The following ATP8A2 variants were observed in gnomAD, a reference collection of about 807,000 sequenced individuals.
ATP8A2 encodes the protein ATPase phospholipid transporting 8A2, also known as phospholipid-transporting ATPase IB.
Under a neutral mutation model 165.6 loss-of-function variants are expected in ATP8A2, and 100 were observed. The observed-to-expected ratio is 0.60, with a 90% confidence interval of 0.51 to 0.71. ATP8A2 has a LOEUF of 0.71. ATP8A2 is among the 30% of genes least tolerant of loss of function. The pLI, the probability that ATP8A2 is intolerant of heterozygous loss-of-function variation, is 0.00. For synonymous variants in ATP8A2, 543 were observed against 548.8 expected (o/e 0.99, Z 0.15); for missense variants, 1,227 against 1,479.5 (o/e 0.83, Z 2.80).
intron 16 of ATP8A2, 21 bp downstream of exon 16, chr13:25,564,052 C>A (rs770225363): frequency 6.4e-7 from 1 of 1,567,674 alleles, no homozygotes; most frequent in Non-Finnish European, 8.8e-7. Context: ...TGTTTTACTT[C>A]GAAGACAGCA....
chr13:25,964,735 C>G (rs1332745484), intron 34 of ATP8A2, among the ~76,000 whole-genome samples: 2 of 152,168 alleles, frequency 1.3e-5, no homozygotes, highest in Non-Finnish European at 2.9e-5. Context: ...AAGACCCTAC[C>G]CTGTGATGGC....
At chr13:25,609,224 A>G (rs916619763) in intron 24 of ATP8A2, among the ~76,000 whole-genome samples, 1 of 152,052 alleles carries the variant, frequency 6.6e-6, no homozygotes, top group African/African-American at 2.4e-5. Flanking sequence ...AAGCAAAAAG[A>G]TAAAAATAAA....
chr13:25,547,443 G>T (rs1224957636), intron 10 of ATP8A2, among the ~76,000 whole-genome samples: 1 of 152,070 alleles, frequency 6.6e-6, no homozygotes, highest in African/African-American at 2.4e-5. Flanking sequence ...GCATACAAGG[G>T]ATCTAGGTTG....
chr13:25,959,497 A>G (rs558907766), intron 33 of ATP8A2, among the ~76,000 whole-genome samples: 1 of 152,204 alleles, frequency 6.6e-6, no homozygotes, highest in Admixed American at 6.5e-5. Context: ...GATGGTATCT[A>G]CTGATATGTA....
chr13:25,909,123 A>C (rs751776932), intron 33 of ATP8A2, among the ~76,000 whole-genome samples: 11 of 152,178 alleles, frequency 7.2e-5, no homozygotes, highest in Non-Finnish European at 8.8e-5. Flanking sequence ...GAGAATGGTC[A>C]ATGGGTACAG....
chr13:25,723,821 T>C (rs747731382), intron 25 of ATP8A2, among the ~76,000 whole-genome samples: 6 of 151,182 alleles, frequency 4.0e-5, no homozygotes, highest in Admixed American at 2.0e-4. Context: ...GAGCTGACTT[T>C]AGGAAAGGGA....
chr13:25,512,678 CG>C (rs2037281648), intron 2 of ATP8A2, among the ~76,000 whole-genome samples: 1 of 139,016 alleles, frequency 7.2e-6, no homozygotes, highest in Admixed American at 7.0e-5. Flanking sequence ...GCTGGCCGGG[CG>C]GGGGGCTGAC....
intron 27 of ATP8A2, among the ~76,000 whole-genome samples, chr13:25,779,378 G>A (rs2044817870): frequency 7.8e-6 from 1 of 128,780 alleles, no homozygotes; most frequent in Non-Finnish European, 1.6e-5. Flanking sequence ...TTGCAGGGCA[G>A]CCAGCTGGGA....
intron 1 of ATP8A2, among the ~76,000 whole-genome samples, chr13:25,413,278 G>GTTTT (rs1195456593): frequency 3.6e-4 from 38 of 105,260 alleles, no homozygotes; most frequent in Non-Finnish European, 5.2e-4. Flanking sequence ...CTTTTTCTTT[G>GTTTT]TTTTTTTTTT....
At chr13:25,761,783 A>C (rs2044384240) in intron 25 of ATP8A2, among the ~76,000 whole-genome samples, 1 of 151,756 alleles carries the variant, frequency 6.6e-6, no homozygotes, top group Admixed American at 6.6e-5. Context: ...ATGTTTGGTA[A>C]GCTGGTATTT....
chr13:25,973,024 C>T (rs1311487119), intron 35 of ATP8A2, among the ~76,000 whole-genome samples: 2 of 152,172 alleles, frequency 1.3e-5, no homozygotes, highest in Non-Finnish European at 2.9e-5. Flanking sequence ...TTCTAGATCA[C>T]CTTTCACTCT....
At chr13:25,991,240 G>T (rs1385344999) in intron 35 of ATP8A2, among the ~76,000 whole-genome samples, 3 of 152,182 alleles carry the variant, frequency 2.0e-5, no homozygotes, top group Non-Finnish European at 4.4e-5. Context: ...TAGAAGGGAA[G>T]AGACAGACTG....
At chr13:25,549,761 A>C (rs181956764) in intron 10 of ATP8A2, among the ~76,000 whole-genome samples, 120 of 152,216 alleles carry the variant, frequency 7.9e-4, no homozygotes, top group African/African-American at 2.8e-3. Flanking sequence ...GAAGTCTACT[A>C]TGAGTAGTAG....
chr13:25,946,846 G>A (rs976684885), intron 33 of ATP8A2, among the ~76,000 whole-genome samples: 1 of 152,050 alleles, frequency 6.6e-6, no homozygotes, highest in Non-Finnish European at 1.5e-5. Context: ...CTCCTGGGTT[G>A]GAGCAATTCT....
At chr13:25,396,280 C>T (rs375187394) in intron 1 of ATP8A2, among the ~76,000 whole-genome samples, 46 of 152,294 alleles carry the variant, frequency 3.0e-4, no homozygotes, top group African/African-American at 1.0e-3. Flanking sequence ...TTAGGGCCTA[C>T]AGTCAAACAA....
At chr13:26,019,366 C>T (rs1457093046) in intron 36 of ATP8A2, among the ~76,000 whole-genome samples, 6 of 152,218 alleles carry the variant, frequency 3.9e-5, no homozygotes, top group Admixed American at 2.0e-4. Context: ...CACTGCACTC[C>T]AGCCTAGGCG....
chr13:25,517,525 C>A (rs2037519860), intron 2 of ATP8A2, among the ~76,000 whole-genome samples: 1 of 152,170 alleles, frequency 6.6e-6, no homozygotes, highest in African/African-American at 2.4e-5. Context: ...AGGACAGTCA[C>A]ACTATTTAAT....
intron 17 of ATP8A2, 88 bp from the exon 18 acceptor site, chr13:25,571,522 C>A: frequency 2.1e-6 from 2 of 936,150 alleles, no homozygotes; most frequent in Non-Finnish European, 3.4e-6. Flanking sequence ...TTCAGTAGAG[C>A]GGATTTTGTT....
chr13:25,689,878 A>C (rs2042685919), intron 24 of ATP8A2, among the ~76,000 whole-genome samples: 1 of 152,202 alleles, frequency 6.6e-6, no homozygotes, highest in Admixed American at 6.5e-5. Flanking sequence ...AGGAAAAAAA[A>C]ACATCTATTT....
Sources: allele counts gnomAD v4.1 joint callset (sites outside exome capture counted in the v4.1 genomes callset), GRCh38; gene constraint gnomAD v4.1.1; transcripts MANE v1.5; gene names NCBI Gene and HGNC (gene_info 2026-07-23, HGNC 2026-07-21).